The following NEDD9 variants were observed in gnomAD, a reference collection of about 807,000 sequenced individuals.
NEDD9 encodes enhancer of filamentation 1.
A neutral mutation model predicts 76.6 loss-of-function variants in NEDD9; 26 were observed. The ratio of observed to expected loss-of-function variants is 0.34; its 90% CI spans 0.25 to 0.47. NEDD9 has a LOEUF of 0.47. NEDD9 is among the 20% of genes least tolerant of loss of function. The probability of loss-of-function intolerance (pLI) is 1.00; values close to 1 mark genes in which losing one functional copy is unlikely to be tolerated. For missense variants in NEDD9, 937 were observed against 1,058.5 expected, an observed-to-expected ratio of 0.89 and a Z score of 1.59; for synonymous variants, 392 against 414.2, an observed-to-expected ratio of 0.95 and a Z score of 0.65.
intron 2 of NEDD9, among the ~76,000 whole-genome samples, chr6:11,209,180 GT>G (rs1024983267): frequency 2.6e-5 from 4 of 152,126 alleles, no homozygotes; most frequent in Admixed American, 2.6e-4. Flanking sequence ...TGACCTAAAT[GT>G]TTATTAATTT....
At chr6:11,259,650 A>T (rs887448725) in intron 3 of NEDD9, among the ~76,000 whole-genome samples, 4 of 152,202 alleles carry the variant, frequency 2.6e-5, no homozygotes, top group Non-Finnish European at 5.9e-5. Context: ...AAAACAAATA[A>T]TACACAGACA....
intron 3 of NEDD9, among the ~76,000 whole-genome samples, chr6:11,291,267 GTTTTTTT>G (rs869185428): frequency 1.0e-4 from 10 of 95,824 alleles, no homozygotes; most frequent in African/African-American, 4.5e-4. Context: ...ATAGAATGAG[GTTTTTTT>G]TTTTTTTTTT....
At chr6:11,208,313 T>G (rs953695306) in intron 2 of NEDD9, among the ~76,000 whole-genome samples, 1 of 152,162 alleles carries the variant, frequency 6.6e-6, no homozygotes, top group Non-Finnish European at 1.5e-5. Context: ...ATGCTTTGCA[T>G]CAAGGTGCTC....
intron 3 of NEDD9, among the ~76,000 whole-genome samples, chr6:11,273,958 C>T (rs1017858864): frequency 2.0e-5 from 3 of 152,138 alleles, no homozygotes; most frequent in African/African-American, 4.8e-5. Flanking sequence ...ACGTCAACAT[C>T]CAAATGTGCT....
Position 11,254,434 on chromosome 6 carries a change from A to G in NEDD9, c.13-40707T>C, listed in dbSNP as rs6899629. Among the ~76,000 whole-genome samples, 535 of 152,322 alleles carry G rather than the reference A, an allele frequency of 3.5e-3. 7 individuals carry two copies. The highest frequency in any genetic ancestry group is 0.012 in the African/African-American group (509 of 41,560). ...CTGTTTTTCTGAAGCTGAAGCTTAA[A>G]TATAACTGGGAGCCCTGTATTTTTA... On this transcript the variant is annotated intron_variant, in intron 3 of 3. Coordinates refer to the NEDD9 transcript ENST00000397378.
At chr6:11,321,042 A>G (rs1321476865) in intron 2 of NEDD9, among the ~76,000 whole-genome samples, 1 of 151,774 alleles carries the variant, frequency 6.6e-6, no homozygotes, top group Non-Finnish European at 1.5e-5. Context: ...TGTGTTGTTA[A>G]CCATGACAGA....
chr6:11,220,966 C>T (rs565841781), intron 1 of NEDD9, among the ~76,000 whole-genome samples: 6 of 152,258 alleles, frequency 3.9e-5, no homozygotes, highest in East Asian at 1.9e-4. Context: ...TGTGTGTATA[C>T]GTGCAATGTC....
At chr6:11,283,421 A>G (rs1199657680) in intron 3 of NEDD9, among the ~76,000 whole-genome samples, 1 of 152,184 alleles carries the variant, frequency 6.6e-6, no homozygotes, top group Non-Finnish European at 1.5e-5. Context: ...TGCTGAATGC[A>G]TGAATGAATG....
chr6:11,358,524 C>T (rs765456016), intron 1 of NEDD9, among the ~76,000 whole-genome samples: 5 of 152,120 alleles, frequency 3.3e-5, no homozygotes, highest in Non-Finnish European at 7.3e-5. Context: ...TAAAACGGAG[C>T]GTTTAAAAAG....
intron 1 of NEDD9, among the ~76,000 whole-genome samples, chr6:11,351,200 G>A (rs1053698359): frequency 1.3e-5 from 2 of 152,152 alleles, no homozygotes; most frequent in African/African-American, 4.8e-5. Flanking sequence ...AAGGAAGGGA[G>A]AGACAGAGAG....
chr6:11,252,024 G>GCTTTCGCT lies in NEDD9; in HGVS notation c.13-38305_13-38298dup. Among the ~76,000 whole-genome samples, 1 of 152,134 alleles carries GCTTTCGCT rather than the reference G, an allele frequency of 6.6e-6. No individual in the cohort carries two copies. Among genetic ancestry groups the GCTTTCGCT allele is most frequent in the South Asian group, 2.1e-4 (1 of 4,830 alleles). Reference sequence around the variant, plus strand: ...CATCAATGCAAAAGCATATCTGGGTGCTTTCGCTCCACCTCAGGGTTGAAG... The same window carrying GCTTTCGCT: ...CATCAATGCAAAAGCATATCTGGGTGCTTTCGCTCTTTCGCTCCACCTCAGGGTTGAAG... On this transcript the variant is annotated intron_variant, in intron 3 of 3. Transcript: ENST00000397378. The surrounding 1 kb of genome is among the most constrained non-coding windows in gnomAD (Gnocchi z 4.3).
chr6:11,354,662 C>A (rs1762532443), intron 1 of NEDD9, among the ~76,000 whole-genome samples: 1 of 152,118 alleles, frequency 6.6e-6, no homozygotes, highest in Non-Finnish European at 1.5e-5. Context: ...TTCTAGGAAC[C>A]ATCTTTTGAC....
At chr6:11,374,928 A>T (rs1762947231) in intron 1 of NEDD9, among the ~76,000 whole-genome samples, 2 of 152,108 alleles carry the variant, frequency 1.3e-5, no homozygotes, top group Non-Finnish European at 2.9e-5. Flanking sequence ...TTATTTTTTA[A>T]TCTTGGGGAG....
Position 11,210,842 on chromosome 6 carries a change from C to T in NEDD9, c.459+2439G>A, listed in dbSNP as rs539556900. On this transcript the variant is annotated intron_variant, in intron 2 of 6. Coordinates refer to ENST00000379446, the MANE Select transcript of NEDD9 (RefSeq NM_006403.4). ...GTGAAAAGAAAGGAAGAGGCAACCACACTCCCATGGATGTGAACCACTGCT... is the reference window on the plus strand; with the variant it reads ...GTGAAAAGAAAGGAAGAGGCAACCATACTCCCATGGATGTGAACCACTGCT... Among the ~76,000 whole-genome samples, 43 of 151,474 alleles carry T rather than the reference C, an allele frequency of 2.8e-4. 1 individual carries two copies. The South Asian group carries it at 8.8e-3, about 31-fold the overall frequency.
intron 3 of NEDD9, among the ~76,000 whole-genome samples, chr6:11,291,170 C>G (rs946612522): frequency 6.6e-6 from 1 of 151,128 alleles, no homozygotes; most frequent in African/African-American, 2.4e-5. Context: ...CTTGCTACTG[C>G]GGTTCACTGC....
intron 3 of NEDD9, among the ~76,000 whole-genome samples, chr6:11,266,627 G>A (rs1561810796): frequency 1.3e-5 from 2 of 152,076 alleles, no homozygotes; most frequent in East Asian, 3.8e-4. Flanking sequence ...AAACTTTTCT[G>A]CTTTTTATTG....
chr6:11,222,290 C>G (rs532298850), intron 1 of NEDD9, among the ~76,000 whole-genome samples: 2 of 152,326 alleles, frequency 1.3e-5, no homozygotes, highest in East Asian at 3.9e-4. Flanking sequence ...CCCTGGAACT[C>G]TTTTAGATGT....
chr6:11,200,529 G>A, intron 2 of NEDD9: 1 of 1,094,278 alleles, frequency 9.1e-7, no homozygotes, highest in Non-Finnish European at 1.1e-6. Flanking sequence ...AATGTGATAA[G>A]AATGTTATGT....
intron 3 of NEDD9, among the ~76,000 whole-genome samples, chr6:11,294,560 T>G (rs1359877428): frequency 6.6e-6 from 1 of 152,160 alleles, no homozygotes; most frequent in Non-Finnish European, 1.5e-5. Context: ...GCAGCCATGT[T>G]TCCTGTACCG....
Sources: allele counts gnomAD v4.1 joint callset (sites outside exome capture counted in the v4.1 genomes callset), GRCh38; gene constraint gnomAD v4.1.1; non-coding constraint Gnocchi (gnomAD v3.1); transcripts MANE v1.5; gene names NCBI Gene and HGNC (gene_info 2026-07-23, HGNC 2026-07-21).